Variants in AIM2 observed in about 807,000 individuals in gnomAD.
The protein encoded by AIM2 is interferon-inducible protein AIM2.
In AIM2, 30 loss-of-function variants were observed where a neutral mutation model predicts 27.7. That is an observed-to-expected ratio of 1.08 (90% CI 0.81 to 1.47). The LOEUF is 1.47. AIM2 is among the 40% of genes most tolerant of loss of function. AIM2 has a pLI of 0.00. For missense variants in AIM2, 358 were observed against 411.3 expected (o/e 0.87, Z 1.12); for synonymous variants, 141 against 145.3 (o/e 0.97, Z 0.21).
At chr1:159,093,481 T>A (rs2102010937) in intron 1 of AIM2, among the ~76,000 whole-genome samples, 1 of 152,278 alleles carries the variant, frequency 6.6e-6, no homozygotes, top group East Asian at 1.9e-4. Context: ...ATACATCTTA[T>A]GACACAGCAC....
intron 1 of AIM2, among the ~76,000 whole-genome samples, chr1:159,073,844 G>A (rs1656480109): frequency 6.6e-6 from 1 of 152,188 alleles, no homozygotes; most frequent in South Asian, 2.1e-4. Flanking sequence ...TTTGAGACCA[G>A]ACTGGCCAAT....
chr1:159,059,627 A>G (rs1655768106), downstream of AIM2, among the ~76,000 whole-genome samples: 1 of 152,126 alleles, frequency 6.6e-6, no homozygotes. Context: ...AGCTTTCTGT[A>G]ATTGCCTATT....
chr1:159,123,249 G>GA (rs1647590714), intron 1 of AIM2, among the ~76,000 whole-genome samples: 2 of 152,158 alleles, frequency 1.3e-5, no homozygotes, highest in South Asian at 4.1e-4. Context: ...TCCCTGATGA[G>GA]AAAACTGAGA....
At position 159,138,204 on chromosome 1, in the gene AIM2, A is replaced by G. The variant is rs368682346; in HGVS notation, c.-16+2227T>C. ...CATAGGGTTGAGAACATTGTCCTAG[A>G]TGGTGTGCCCTGTATCAAACTCTAA... On this transcript the variant is annotated intron_variant, in intron 1 of 2. Transcript: ENST00000368129. 2.0e-5 allele frequency among the ~76,000 whole-genome samples: 3 copies of G among 152,156 alleles called. No homozygotes were observed. The South Asian group carries it at 6.2e-4, about 31-fold the overall frequency.
At chr1:159,115,005 G>A (rs985366482) in intron 1 of AIM2, among the ~76,000 whole-genome samples, 69 of 152,112 alleles carry the variant, frequency 4.5e-4, no homozygotes, top group Admixed American at 1.1e-3. Context: ...CAAAATCAAT[G>A]TACAAAAATC....
At chr1:159,070,762 G>A (rs142890848) in intron 2 of AIM2, among the ~76,000 whole-genome samples, 3 of 152,342 alleles carry the variant, frequency 2.0e-5, no homozygotes, top group Non-Finnish European at 4.4e-5. Flanking sequence ...CAGGATCTCT[G>A]CACTAGGAAG....
chr1:159,065,812 A>G, intron 4 of AIM2, 98 bp downstream of exon 4: 1 of 1,289,410 alleles, frequency 7.8e-7, no homozygotes, highest in Non-Finnish European at 1.1e-6. Context: ...TTTTGTCTAT[A>G]TAGAAAGACA....
At chr1:159,064,376 T>C (rs1015885081) in intron 4 of AIM2, among the ~76,000 whole-genome samples, 2 of 152,326 alleles carry the variant, frequency 1.3e-5, no homozygotes, top group Non-Finnish European at 2.9e-5. Context: ...CAACAACTGC[T>C]GGATAGAGAA....
At chr1:159,056,788 C>T in the AIM2 span, among the ~76,000 whole-genome samples, 5 of 147,912 alleles carry the variant, frequency 3.4e-5, no homozygotes, top group Admixed American at 3.4e-4. Flanking sequence ...GGGTTCCCTT[C>T]CCCTGAGCCC....
chr1:159,073,040 G>A (rs1174930383), intron 2 of AIM2, among the ~76,000 whole-genome samples, 198 bp downstream of exon 2: 2 of 152,200 alleles, frequency 1.3e-5, no homozygotes, highest in Non-Finnish European at 2.9e-5. Context: ...AACAAAGGCT[G>A]GAATGGATTT....
At chr1:159,056,871 TAGTACGGAGA>T in the AIM2 span, among the ~76,000 whole-genome samples, 3 of 151,820 alleles carry the variant, frequency 2.0e-5, no homozygotes, top group African/African-American at 7.3e-5. Context: ...GAGTGTCCCG[TAGTACGGAGA>T]CACAATTGCC....
Position 159,063,653 on chromosome 1 carries a change from T to C in AIM2, c.838A>G (p.Ile280Val), listed in dbSNP as rs200325850. 179 of 1,612,448 alleles carry C rather than the reference T, an allele frequency of 1.1e-4. No homozygotes were observed. Among genetic ancestry groups the C allele is most frequent in the South Asian group, 1.1e-5 (1 of 90,582 alleles). ...VQKVTEKKKNILFDLSDNTGK... is the reference protein window; with the variant it reads ...VQKVTEKKKNVLFDLSDNTGK... ...GTGTTGTCACTTAGGTCAAATAATA[T>C]GTTTTTCTTCTTTTCTGTTACCTAT... is the stretch of plus-strand genomic sequence containing the variant. Residue 280 changes from isoleucine to valine, a missense_variant, in exon 5 of 6, where the codon ATA (isoleucine) becomes GTA (valine). By Grantham distance (29) the Ile-to-Val change is conservative (BLOSUM62 3). Coordinates refer to ENST00000368130, the MANE Select transcript of AIM2 (RefSeq NM_004833.3).
At chr1:159,101,285 A>C (rs1657307931) in intron 1 of AIM2, among the ~76,000 whole-genome samples, 1 of 151,974 alleles carries the variant, frequency 6.6e-6, no homozygotes. Flanking sequence ...CCCTTCTGGC[A>C]CTCATTCTCT....
upstream of AIM2, among the ~76,000 whole-genome samples, chr1:159,080,971 A>G (rs1227104843): frequency 6.6e-6 from 1 of 152,182 alleles, no homozygotes; most frequent in Admixed American, 6.6e-5. Flanking sequence ...GCATTTGTTC[A>G]CAAAATACAT....
chr1:159,079,526 A>AT (rs55786327), upstream of AIM2, among the ~76,000 whole-genome samples: 42 of 152,044 alleles, frequency 2.8e-4, no homozygotes, highest in Non-Finnish European at 4.0e-4. Context: ...GTCACTTTGC[A>AT]TTTTTTTTCC....
intron 1 of AIM2, among the ~76,000 whole-genome samples, chr1:159,111,543 A>G (rs185434362): frequency 8.2e-4 from 125 of 152,352 alleles, no homozygotes; most frequent in Non-Finnish European, 1.5e-3. Context: ...ATTTACTTGT[A>G]TTTTAAGAAA....
intron 3 of AIM2, among the ~76,000 whole-genome samples, chr1:159,067,166 T>C (rs559109315): frequency 1.3e-5 from 2 of 152,324 alleles, no homozygotes; most frequent in Non-Finnish European, 2.9e-5. Context: ...AAACAATCTG[T>C]TTCTTATTGG....
At chr1:159,140,834 T>C (rs139300321), upstream of AIM2, among the ~76,000 whole-genome samples, 1 of 152,294 alleles carries the variant, frequency 6.6e-6, no homozygotes, top group East Asian at 1.9e-4. Flanking sequence ...CATGGCTTTT[T>C]GAAAATCAGG....
upstream of AIM2, among the ~76,000 whole-genome samples, chr1:159,079,405 G>T (rs1184130036): frequency 2.0e-5 from 3 of 152,012 alleles, no homozygotes; most frequent in African/African-American, 7.2e-5. Flanking sequence ...TTTATGCCCC[G>T]ATGAATAATA....
Sources: gnomAD v4.1 joint callset for allele counts (sites outside exome capture counted in the v4.1 genomes callset) on GRCh38, gnomAD v4.1.1 for gene constraint, MANE v1.5 for transcripts, NCBI Gene and HGNC (gene_info 2026-07-23, HGNC 2026-07-21) for gene names.